Variants in CCNH observed in about 807,000 individuals in gnomAD.
The protein encoded by CCNH is cyclin H.
CCNH carries 31 observed loss-of-function variants against 41.9 expected under a neutral mutation model. The observed-to-expected ratio is 0.74, with a 90% CI of 0.56 to 1.00. CCNH has a LOEUF of 1.00. Among genes scored for constraint, CCNH ranks in the 50% least tolerant of loss-of-function variants. The pLI is 0.00. For missense variants in CCNH, 362 were observed against 388.4 expected (o/e 0.93, Z 0.57); for synonymous variants, 138 against 136.1 (o/e 1.01, Z -0.10).
chr5:87,372,218 T>G, downstream of CCNH: 1 of 1,601,622 alleles, frequency 6.2e-7, no homozygotes. Flanking sequence ...TTTCTTGGAT[T>G]TTTAATTGTC....
At chr5:87,321,637 G>A (rs1756816912) in intron 9 of CCNH, among the ~76,000 whole-genome samples, 1 of 152,284 alleles carries the variant, frequency 6.6e-6, no homozygotes, top group Admixed American at 6.5e-5. Context: ...GGATGCCATA[G>A]GGCAAGGTCT....
At chr5:87,384,602 T>A (rs116780734) in intron 9 of CCNH, among the ~76,000 whole-genome samples, 1 of 152,246 alleles carries the variant, frequency 6.6e-6, no homozygotes, top group Non-Finnish European at 1.5e-5. Context: ...GAGAGATTTA[T>A]CTGGATGTTC....
chr5:87,355,911 T>C (rs1759614555), intron 9 of CCNH, among the ~76,000 whole-genome samples: 1 of 152,176 alleles, frequency 6.6e-6, no homozygotes, highest in African/African-American at 2.4e-5. Flanking sequence ...GTGGTACAAG[T>C]AGCAGGAGAA....
At chr5:87,353,093 C>CTTGGCAAG in intron 9 of CCNH, 1 of 1,307,302 alleles carries the variant, frequency 7.6e-7, no homozygotes, top group East Asian at 2.4e-5. Flanking sequence ...AAAGTTTACA[C>CTTGGCAAG]ATATTTTTAA....
chr5:87,384,960 A>G (rs973973239), intron 9 of CCNH, among the ~76,000 whole-genome samples: 21 of 152,012 alleles, frequency 1.4e-4, no homozygotes, highest in African/African-American at 5.1e-4. Context: ...CTGTCATAAA[A>G]GATGTGAGGA....
chr5:87,325,288 C>T (rs984090539), intron 9 of CCNH, among the ~76,000 whole-genome samples: 1 of 152,126 alleles, frequency 6.6e-6, no homozygotes, highest in East Asian at 1.9e-4. Context: ...CGGGTCCCAC[C>T]CACAACATGT....
chr5:87,360,494 TTTG>T (rs922388018), intron 9 of CCNH, among the ~76,000 whole-genome samples: 3 of 152,196 alleles, frequency 2.0e-5, no homozygotes, highest in Non-Finnish European at 4.4e-5. Flanking sequence ...GTAAAATATT[TTTG>T]TTTAGATTTT....
chr5:87,355,804 T>C (rs1294439553), intron 9 of CCNH, among the ~76,000 whole-genome samples: 4 of 152,196 alleles, frequency 2.6e-5, no homozygotes, highest in Admixed American at 2.6e-4. Context: ...AATAACAACA[T>C]TAACAGAAGT....
chr5:87,402,228 C>T (rs1217546543), intron 5 of CCNH, among the ~76,000 whole-genome samples: 2 of 152,156 alleles, frequency 1.3e-5, no homozygotes, highest in African/African-American at 2.4e-5. Flanking sequence ...GCCATTTTAT[C>T]TATAGTTGCA....
Position 87,362,532 on chromosome 5 carries a change from A to C in CCNH, c.*90+30238T>G, listed in dbSNP as rs754635248. On this transcript the variant is annotated intron_variant and NMD_transcript_variant, in intron 9 of 9. Transcript: ENST00000645953. ...CATCAAGAATGTATGAAATAATTTT[A>C]ATGTTTTTTAAAATTCAGGATCAAG... 6.3e-7 allele frequency: 1 copy of C among 1,577,420 alleles called. No individual in the cohort carries two copies. The highest frequency in any genetic ancestry group is 8.7e-7 in the Non-Finnish European group (1 of 1,148,164).
chr5:87,412,872 A>AC lies in CCNH; in HGVS notation c.-79dup. The stretch of plus-strand genomic sequence containing the variant: ...CAGCGTCCTGGCGTAAAACACCCGT[A>AC]CCCCCACCGAAGATCTCGCGGAAGC... On this transcript the variant is annotated 5_prime_UTR_variant, in exon 1 of 9. Coordinates refer to ENST00000256897, the MANE Select transcript of CCNH (RefSeq NM_001239.4). 2.6e-6 allele frequency: 4 copies of AC among 1,559,306 alleles called. No individual in the cohort carries two copies. Among genetic ancestry groups the AC allele is most frequent in the South Asian group, 2.3e-5 (2 of 87,582 alleles).
chr5:87,329,047 G>A (rs1757428445), intron 9 of CCNH, among the ~76,000 whole-genome samples: 1 of 152,130 alleles, frequency 6.6e-6, no homozygotes, highest in Admixed American at 6.5e-5. Flanking sequence ...CTTTTGACAT[G>A]AAGGAAATTG....
At position 87,399,657 on chromosome 5, in the gene CCNH, T is replaced by C. The variant is rs1211133824; in HGVS notation, c.761-152A>G. On this transcript the variant is annotated intron_variant, in intron 6 of 8. Transcript: ENST00000256897. Reference sequence around the variant, plus strand: ...ATTTGCATCATTCTGCATTTCATTCTACATTAAAATCCAATAAGCACTGTA... The same window carrying C: ...ATTTGCATCATTCTGCATTTCATTCCACATTAAAATCCAATAAGCACTGTA... The C allele has an allele frequency of 4.7e-6, 3 of 632,800 alleles. No homozygotes were observed. In the East Asian group the frequency reaches 8.0e-5, roughly 17 times the overall value. The allele number at this position is 632,800 out of a possible 1,614,324, so 39.2% of individuals were successfully genotyped here.
At chr5:87,337,347 TC>T (rs1310752121) in intron 9 of CCNH, among the ~76,000 whole-genome samples, 1 of 152,052 alleles carries the variant, frequency 6.6e-6, no homozygotes. Context: ...TACATTCCTT[TC>T]TCATAATATA....
chr5:87,323,090 T>G (rs1756946677), intron 9 of CCNH, among the ~76,000 whole-genome samples: 1 of 152,176 alleles, frequency 6.6e-6, no homozygotes, highest in Non-Finnish European at 1.5e-5. Flanking sequence ...GGTTATAATT[T>G]GAGCTGATGG....
chr5:87,412,353 G>T, intron 1 of CCNH: 1 of 1,028,106 alleles, frequency 9.7e-7, no homozygotes, highest in Non-Finnish European at 1.2e-6. Context: ...CTCCGCATTG[G>T]CTACTGGGAA....
chr5:87,321,827 C>T (rs1756835576), intron 9 of CCNH, among the ~76,000 whole-genome samples: 1 of 152,126 alleles, frequency 6.6e-6, no homozygotes, highest in African/African-American at 2.4e-5. Context: ...ATGGGAAGAC[C>T]CCCCATAGGA....
At chr5:87,329,116 T>C (rs1049653968) in intron 9 of CCNH, among the ~76,000 whole-genome samples, 2 of 152,104 alleles carry the variant, frequency 1.3e-5, no homozygotes, top group East Asian at 1.9e-4. Flanking sequence ...AACTGACTTA[T>C]CCATTTTAAT....
At chr5:87,335,776 AG>A (rs1241768768) in intron 9 of CCNH, among the ~76,000 whole-genome samples, 13 of 152,312 alleles carry the variant, frequency 8.5e-5, no homozygotes, top group Admixed American at 3.3e-4. Flanking sequence ...TAGAAGATAT[AG>A]ATAGCTCAGT....
Sources: allele counts gnomAD v4.1 joint callset (sites outside exome capture counted in the v4.1 genomes callset), GRCh38; gene constraint gnomAD v4.1.1; transcripts MANE v1.5; gene names NCBI Gene and HGNC (gene_info 2026-07-23, HGNC 2026-07-21).